Variants in NDEL1 observed in about 807,000 individuals in gnomAD.
NDEL1 encodes nuclear distribution protein nudE-like 1.
NDEL1 carries 9 observed loss-of-function variants against 45.7 expected under a neutral mutation model. The observed-to-expected ratio is 0.20, with a 90% CI of 0.12 to 0.34. The LOEUF (loss-of-function observed/expected upper bound fraction) is 0.34. NDEL1 is among the 10% of genes least tolerant of loss of function. NDEL1 has a pLI of 1.00. For synonymous variants in NDEL1, 133 were observed against 158.6 expected (o/e 0.84, Z 1.21); for missense variants, 306 against 406.2 (o/e 0.75, Z 2.12).
At chr17:8,428,968 C>G (rs1202252188) in intron 1 of NDEL1, among the ~76,000 whole-genome samples, 1 of 152,274 alleles carries the variant, frequency 6.6e-6, no homozygotes, top group South Asian at 2.1e-4. Flanking sequence ...CCACCGCGCC[C>G]GGCCTATTTT....
intron 5 of NDEL1, among the ~76,000 whole-genome samples, chr17:8,449,302 C>T (rs1207448664): frequency 1.3e-5 from 2 of 152,050 alleles, no homozygotes; most frequent in Non-Finnish European, 2.9e-5. Flanking sequence ...ATTAAGAAAA[C>T]ATTTTTTTTG....
intron 3 of NDEL1, among the ~76,000 whole-genome samples, chr17:8,473,876 G>C (rs1912044058): frequency 6.6e-6 from 1 of 152,222 alleles, no homozygotes; most frequent in African/African-American, 2.4e-5. Flanking sequence ...AATGCAGCCT[G>C]AAATGTCCTG....
At chr17:8,434,967 G>A (rs774955052), upstream of NDEL1, among the ~76,000 whole-genome samples, 6 of 152,108 alleles carry the variant, frequency 3.9e-5, no homozygotes, top group African/African-American at 7.2e-5. Context: ...CTACTAGGGA[G>A]GCTGAGGCAG....
At chr17:8,471,431 G>A (rs956500510), downstream of NDEL1, among the ~76,000 whole-genome samples, 1 of 152,270 alleles carries the variant, frequency 6.6e-6, no homozygotes, top group African/African-American at 2.4e-5. Context: ...AGATACAGGA[G>A]ATGTGGCCCA....
chr17:8,463,126 C>G, intron 8 of NDEL1: 1 of 480,806 alleles, frequency 2.1e-6, no homozygotes, highest in Non-Finnish European at 3.8e-6. Context: ...GGAGTGTGGT[C>G]GCTTGGAGTC....
At chr17:8,447,001 T>G in intron 4 of NDEL1, 99 bp downstream of exon 4, 1 of 1,430,430 alleles carries the variant, frequency 7.0e-7, no homozygotes, top group Non-Finnish European at 9.4e-7. Flanking sequence ...TCCCAGAACA[T>G]TTCCTGTTGG....
chr17:8,429,680 A>T (rs1333733916), intron 1 of NDEL1, among the ~76,000 whole-genome samples: 3 of 152,048 alleles, frequency 2.0e-5, no homozygotes, highest in South Asian at 2.1e-4. Flanking sequence ...AGACCTAGAG[A>T]GGTGATCCAT....
At chr17:8,415,779 G>A (rs961452581) in intron 1 of NDEL1, among the ~76,000 whole-genome samples, 6 of 144,914 alleles carry the variant, frequency 4.1e-5, no homozygotes, top group Non-Finnish European at 7.6e-5. Flanking sequence ...ATGGAGTCTC[G>A]CACTGTTGCC....
intron 3 of NDEL1, chr17:8,474,175 G>A (rs1912127722): frequency 6.5e-6 from 1 of 152,674 alleles, no homozygotes; most frequent in Admixed American, 6.5e-5. Context: ...TCACAGATGG[G>A]AAATCGAGAA....
intron 4 of NDEL1, 138 bp from the exon 5 acceptor site, chr17:8,448,412 G>T: frequency 1.2e-6 from 1 of 836,846 alleles, no homozygotes; most frequent in East Asian, 2.7e-5. Context: ...GGTCAGGAAG[G>T]GGCAAGATCA....
In NDEL1 at chr17:8,455,386, G is replaced by C. The variant is rs548102748; in HGVS notation, c.792+499G>C. On this transcript the variant is annotated intron_variant, in intron 7 of 8. Coordinates refer to ENST00000334527, the MANE Select transcript of NDEL1 (RefSeq NM_030808.5). Reference sequence around the variant, plus strand: ...GAGCCTTGTATTCCAGAACAGTTTCGCTTCTGAAATATTAAACCCAGCCGG... The same window carrying C: ...GAGCCTTGTATTCCAGAACAGTTTCCCTTCTGAAATATTAAACCCAGCCGG... Among the ~76,000 whole-genome samples the C allele has an allele frequency of 1.3e-5, 2 of 152,020 alleles. 1 individual carries two copies. Among genetic ancestry groups the C allele is most frequent in the Non-Finnish European group, 2.9e-5 (2 of 68,008 alleles).
chr17:8,457,671 T>A (rs1311741000), intron 7 of NDEL1, among the ~76,000 whole-genome samples: 1 of 152,218 alleles, frequency 6.6e-6, no homozygotes, highest in Non-Finnish European at 1.5e-5. Flanking sequence ...TTTTCTCATC[T>A]TTTGTTATTA....
intron 3 of NDEL1, chr17:8,474,293 A>G (rs1007634696): frequency 5.9e-5 from 9 of 152,604 alleles, no homozygotes; most frequent in Admixed American, 2.0e-4. Context: ...GCAGGCGCAA[A>G]TATCTATAAT....
chr17:8,428,323 G>GTGGT (rs1478014217), intron 1 of NDEL1, among the ~76,000 whole-genome samples: 2 of 62,044 alleles, frequency 3.2e-5, no homozygotes, highest in Non-Finnish European at 6.4e-5. Context: ...AAGTGTGTGT[G>GTGGT]GTGTGTGTGT....
chr17:8,448,785 G>A, intron 5 of NDEL1, 99 bp downstream of exon 5: 1 of 1,208,176 alleles, frequency 8.3e-7, no homozygotes, highest in Non-Finnish European at 1.1e-6. Flanking sequence ...AACCAAATGT[G>A]GATTGAAAAT....
intron 1 of NDEL1, among the ~76,000 whole-genome samples, chr17:8,424,781 G>A (rs1908788969): frequency 6.6e-6 from 1 of 151,200 alleles, no homozygotes; most frequent in African/African-American, 2.4e-5. Flanking sequence ...TGGGATTACA[G>A]GCGTGAGCCA....
At chr17:8,444,683 A>G (rs1284770882) in intron 2 of NDEL1, 1 of 200,840 alleles carries the variant, frequency 5.0e-6, no homozygotes, top group Non-Finnish European at 1.0e-5. Flanking sequence ...CATTTTGGTC[A>G]TTTGGAGATT....
At chr17:8,435,764 G>C (rs1240146204), upstream of NDEL1, 2 of 354,174 alleles carry the variant, frequency 5.6e-6, no homozygotes, top group Non-Finnish European at 1.1e-5. Context: ...AGCGCGCCGG[G>C]CTCTGGCCCG....
chr17:8,432,208 T>C (rs1425249088), upstream of NDEL1: 1 of 150,664 alleles, frequency 6.6e-6, no homozygotes, highest in Non-Finnish European at 1.5e-5. Flanking sequence ...ATTTATTTAG[T>C]ACATCCCTAA....
Sources: gnomAD v4.1 joint callset for allele counts (sites outside exome capture counted in the v4.1 genomes callset) on GRCh38, gnomAD v4.1.1 for gene constraint, MANE v1.5 for transcripts, NCBI Gene and HGNC (gene_info 2026-07-23, HGNC 2026-07-21) for gene names.